RUNX1: variants seen among roughly 807,000 people sequenced by gnomAD.
RUNX1 encodes RUNX family transcription factor 1, also known as runt-related transcription factor 1.
Under a neutral mutation model 42.8 loss-of-function variants are expected in RUNX1, and 19 were observed. The ratio of observed to expected loss-of-function variants is 0.44; its 90% CI spans 0.31 to 0.65. The LOEUF is 0.65. Among genes scored for constraint, RUNX1 ranks in the 30% least tolerant of loss-of-function variants. RUNX1 has a pLI of 0.07. For synonymous variants in RUNX1, 271 were observed against 289.4 expected (o/e 0.94, Z 0.64); for missense variants, 528 against 672.0 (o/e 0.79, Z 2.37).
intron 6 of RUNX1, among the ~76,000 whole-genome samples, chr21:34,849,913 AATTATT>A (rs895988883): frequency 1.3e-5 from 2 of 150,868 alleles, no homozygotes; most frequent in Non-Finnish European, 3.0e-5. Flanking sequence ...GCTAAACTGG[AATTATT>A]ATTATTATTA....
intron 2 of RUNX1, among the ~76,000 whole-genome samples, chr21:35,026,631 G>A (rs985735850): frequency 6.6e-6 from 1 of 152,240 alleles, no homozygotes; most frequent in African/African-American, 2.4e-5. Context: ...ATGACAGCTC[G>A]TAAATTTTGG....
At chr21:34,871,026 T>A (rs1408656136) in intron 5 of RUNX1, among the ~76,000 whole-genome samples, 3 of 152,136 alleles carry the variant, frequency 2.0e-5, no homozygotes, top group African/African-American at 7.2e-5. Context: ...GTATCAGGCA[T>A]CATCTAATGT....
At chr21:34,805,284 GA>G (rs1398826202) in intron 7 of RUNX1, among the ~76,000 whole-genome samples, 2 of 152,150 alleles carry the variant, frequency 1.3e-5, no homozygotes, top group Non-Finnish European at 2.9e-5. Context: ...AGAAGAAAAA[GA>G]AAACAGTGGA....
chr21:34,987,749 C>G (rs1230039077), intron 2 of RUNX1, among the ~76,000 whole-genome samples: 1 of 152,198 alleles, frequency 6.6e-6, no homozygotes, highest in African/African-American at 2.4e-5. Flanking sequence ...CTACAGCCCT[C>G]TGCAGAAACA....
chr21:34,835,006 A>AG (rs2057123818), intron 6 of RUNX1, among the ~76,000 whole-genome samples: 1 of 152,206 alleles, frequency 6.6e-6, no homozygotes, highest in African/African-American at 2.4e-5. Flanking sequence ...GTGGCCTCCC[A>AG]GGGGCATCAG....
At chr21:35,031,403 G>C (rs1256734731) in intron 2 of RUNX1, among the ~76,000 whole-genome samples, 3 of 152,058 alleles carry the variant, frequency 2.0e-5, no homozygotes, top group African/African-American at 7.2e-5. Context: ...TGGAGAAAGG[G>C]AGCTCTTGCA....
intron 5 of RUNX1, among the ~76,000 whole-genome samples, chr21:34,864,619 C>T (rs1388964473): frequency 6.6e-6 from 1 of 152,156 alleles, no homozygotes; most frequent in East Asian, 1.9e-4. Context: ...CCAGAGGGGG[C>T]CACCACGGGG....
chr21:34,815,532 A>G, intron 7 of RUNX1, among the ~76,000 whole-genome samples: 1 of 152,144 alleles, frequency 6.6e-6, no homozygotes, highest in African/African-American at 2.4e-5. Flanking sequence ...GGAGTGGGAA[A>G]ATACGAGGGA....
chr21:34,957,644 A>T (rs1457848778), intron 2 of RUNX1, among the ~76,000 whole-genome samples: 1 of 152,184 alleles, frequency 6.6e-6, no homozygotes, highest in African/African-American at 2.4e-5. Context: ...GGCCGTTCAG[A>T]TATTCGTACA....
At chr21:34,989,232 C>T (rs561513448) in intron 2 of RUNX1, among the ~76,000 whole-genome samples, 4 of 152,072 alleles carry the variant, frequency 2.6e-5, no homozygotes, top group Non-Finnish European at 5.9e-5. Flanking sequence ...TGGTCTTGAA[C>T]TCCTGGCCTC....
intron 2 of RUNX1, among the ~76,000 whole-genome samples, chr21:34,906,947 G>A (rs879618870): frequency 1.6e-4 from 24 of 152,192 alleles, no homozygotes; most frequent in Admixed American, 1.6e-3. Flanking sequence ...ATGCATTAAA[G>A]CTCTTTATTT....
At chr21:34,900,243 G>T (rs981710877) in intron 2 of RUNX1, among the ~76,000 whole-genome samples, 1 of 152,162 alleles carries the variant, frequency 6.6e-6, no homozygotes, top group Non-Finnish European at 1.5e-5. Context: ...TCAAAAGTCT[G>T]TGTGTATTTT....
chr21:34,896,680 C>T (rs2058132924), intron 2 of RUNX1, among the ~76,000 whole-genome samples: 1 of 134,798 alleles, frequency 7.4e-6, no homozygotes, highest in African/African-American at 3.1e-5. Flanking sequence ...GAGACTCTGT[C>T]TCATAAAAAG....
At chr21:35,016,965 C>T (rs1373101959) in intron 2 of RUNX1, among the ~76,000 whole-genome samples, 1 of 148,502 alleles carries the variant, frequency 6.7e-6, no homozygotes, top group Non-Finnish European at 1.5e-5. Flanking sequence ...TCATAAAGTG[C>T]AGAGTAAGGG....
chr21:34,941,830 C>CTT (rs201225102), intron 2 of RUNX1, among the ~76,000 whole-genome samples: 40 of 138,546 alleles, frequency 2.9e-4, no homozygotes, highest in African/African-American at 8.9e-4. Flanking sequence ...TATTTTTTTC[C>CTT]TTTTTTTTTT....
At chr21:34,929,925 T>C (rs990422626) in intron 2 of RUNX1, among the ~76,000 whole-genome samples, 1 of 151,962 alleles carries the variant, frequency 6.6e-6, no homozygotes, top group African/African-American at 2.4e-5. Context: ...TATTTAAGTA[T>C]TCATATATCC....
intron 2 of RUNX1, among the ~76,000 whole-genome samples, chr21:34,934,992 T>C (rs1372588266): frequency 6.6e-6 from 1 of 152,232 alleles, no homozygotes; most frequent in Non-Finnish European, 1.5e-5. Flanking sequence ...TATTATTTTT[T>C]CATGTTTTTG....
chr21:34,855,140 G>C (rs183264832), intron 6 of RUNX1, among the ~76,000 whole-genome samples: 2 of 152,054 alleles, frequency 1.3e-5, no homozygotes, highest in African/African-American at 4.8e-5. Flanking sequence ...TGACCAGACA[G>C]GTAAAGGCTG....
intron 5 of RUNX1, among the ~76,000 whole-genome samples, chr21:34,869,279 C>G (rs182300126): frequency 6.6e-6 from 1 of 152,290 alleles, no homozygotes; most frequent in East Asian, 1.9e-4. Flanking sequence ...CACCATCTCG[C>G]TTTTATCATC....
Sources: gnomAD v4.1 joint callset for allele counts (sites outside exome capture counted in the v4.1 genomes callset) on GRCh38, gnomAD v4.1.1 for gene constraint, MANE v1.5 for transcripts, NCBI Gene and HGNC (gene_info 2026-07-23, HGNC 2026-07-21) for gene names.